The following KAZN variants were observed in gnomAD, a reference collection of about 807,000 sequenced individuals.
KAZN encodes kazrin, periplakin interacting protein, also known as kazrin.
KAZN carries 40 observed loss-of-function variants against 87.4 expected under a neutral mutation model. That is an observed-to-expected ratio of 0.46 (90% CI 0.36 to 0.60). The LOEUF (loss-of-function observed/expected upper bound fraction) is 0.60. KAZN is among the 20% of genes least tolerant of loss of function. KAZN has a pLI of 0.00. For missense variants in KAZN, 898 were observed against 1,073.9 expected, an observed-to-expected ratio of 0.84 and a Z score of 2.29; for synonymous variants, 466 against 458.3, an observed-to-expected ratio of 1.02 and a Z score of -0.22.
At chr1:13,912,451 C>A (rs1639687789) in intron 1 of KAZN, among the ~76,000 whole-genome samples, 1 of 152,098 alleles carries the variant, frequency 6.6e-6, no homozygotes, top group Non-Finnish European at 1.5e-5. Flanking sequence ...ACTCCCAGGT[C>A]CAGGGCTGGG....
At chr1:14,089,541 A>G (rs1037134993) in intron 1 of KAZN, among the ~76,000 whole-genome samples, 4 of 152,196 alleles carry the variant, frequency 2.6e-5, no homozygotes, top group African/African-American at 9.6e-5. Context: ...TATTGTCAGA[A>G]CCTTGTAGCA....
intron 1 of KAZN, chr1:14,924,543 T>A: frequency 9.9e-7 from 1 of 1,008,848 alleles, no homozygotes; most frequent in Non-Finnish European, 1.2e-6. Flanking sequence ...GTTCCCCGGG[T>A]CCGAGCGGAT....
intron 2 of KAZN, among the ~76,000 whole-genome samples, chr1:14,362,859 ATATT>A (rs1368397168): frequency 6.6e-6 from 1 of 152,140 alleles, no homozygotes; most frequent in East Asian, 1.9e-4. Flanking sequence ...GCCAATATAT[ATATT>A]TGTCTCTATT....
In KAZN at chr1:14,864,067, C is replaced by T. The variant is rs111832971; in HGVS notation, c.227-96617C>T. On this transcript the variant is annotated intron_variant, in intron 1 of 14. Transcript: ENST00000376030. ...ATGGGTCAAAACAGAAAAATCAGCT[C>T]GACTCAGTGAGAGCCCAATCTTCCC... 7.6e-3 allele frequency among the ~76,000 whole-genome samples: 1,154 copies of T among 152,248 alleles called. 16 individuals are homozygous for T. The highest frequency in any genetic ancestry group is 0.026 in the African/African-American group (1,073 of 41,530).
chr1:14,418,421 G>T (rs1357690547), intron 2 of KAZN, among the ~76,000 whole-genome samples: 1 of 152,076 alleles, frequency 6.6e-6, no homozygotes, highest in Non-Finnish European at 1.5e-5. Context: ...AGGAAACAGT[G>T]GCCACTACTT....
intron 2 of KAZN, among the ~76,000 whole-genome samples, chr1:15,024,240 C>T (rs1010801185): frequency 3.3e-5 from 5 of 152,042 alleles, no homozygotes; most frequent in African/African-American, 1.2e-4. Context: ...GGAGGTCAAG[C>T]GAAGACTTGT....
chr1:14,706,141 G>A lies in KAZN; in HGVS notation c.226+106918G>A, dbSNP rs540371620. Among the ~76,000 whole-genome samples the A allele has an allele frequency of 6.6e-5, 10 of 152,162 alleles. 1 individual carries two copies. In the East Asian group the frequency reaches 1.9e-3, roughly 29 times the overall value. On this transcript the variant is annotated intron_variant, in intron 1 of 14. Coordinates refer to ENST00000376030, the MANE Select transcript of KAZN (RefSeq NM_201628.3). The stretch of plus-strand genomic sequence containing the variant: ...TCCTTAGGAGAATTGAGAATCTAAT[G>A]CCCGATGATCTGTCACTGATTCCCA...
intron 2 of KAZN, among the ~76,000 whole-genome samples, chr1:14,296,167 G>C (rs532555200): frequency 6.6e-6 from 1 of 152,330 alleles, no homozygotes; most frequent in East Asian, 1.9e-4. Context: ...TGAATGTCTA[G>C]CATAAAGAAG....
chr1:14,488,646 T>A (rs1237415229), intron 2 of KAZN, among the ~76,000 whole-genome samples: 3 of 152,224 alleles, frequency 2.0e-5, no homozygotes, highest in Non-Finnish European at 4.4e-5. Context: ...AGGCTGCTTT[T>A]TTCATTCACC....
chr1:14,038,869 A>G (rs532061811), intron 1 of KAZN, among the ~76,000 whole-genome samples: 97 of 152,290 alleles, frequency 6.4e-4, no homozygotes, highest in Admixed American at 2.0e-3. Flanking sequence ...CACCTCTGTA[A>G]AAGTAGGGAT....
chr1:14,927,094 C>A (rs10927578), intron 1 of KAZN, among the ~76,000 whole-genome samples: 33,012 of 152,052 alleles, frequency 0.22, 5,829 homozygotes, highest in African/African-American at 0.47. Flanking sequence ...CCTGCTTCTG[C>A]CTCGATTGCG....
At chr1:14,230,770 GT>G (rs1647744759) in intron 2 of KAZN, among the ~76,000 whole-genome samples, 1 of 152,096 alleles carries the variant, frequency 6.6e-6, no homozygotes, top group African/African-American at 2.4e-5. Context: ...TATTTTTTCA[GT>G]AAGAAGGTTA....
chr1:14,845,559 GTGGATGGATGGATGGATGGATGGA>G (rs112956559), intron 1 of KAZN, among the ~76,000 whole-genome samples: 1 of 145,436 alleles, frequency 6.9e-6, no homozygotes, highest in Admixed American at 6.8e-5. Context: ...AGATGGGTGG[GTGGATGGATGGATGGATGGATGGA>G]TGGATGGATG....
At chr1:14,598,611 C>T (rs1223708072), upstream of KAZN, 9 of 1,067,890 alleles carry the variant, frequency 8.4e-6, no homozygotes, top group Non-Finnish European at 9.1e-6. The surrounding 1 kb of genome is among the most constrained non-coding windows in gnomAD (Gnocchi z 4.2). Flanking sequence ...CCCCAGCCTC[C>T]GACCGAGACC....
chr1:14,878,333 T>C (rs1652990872), intron 1 of KAZN, among the ~76,000 whole-genome samples: 1 of 152,042 alleles, frequency 6.6e-6, no homozygotes, highest in South Asian at 2.1e-4. Context: ...CTGTGCATTG[T>C]AGGATGTTGA....
intron 2 of KAZN, among the ~76,000 whole-genome samples, chr1:14,533,094 C>G (rs1343544807): frequency 6.6e-6 from 1 of 152,184 alleles, no homozygotes; most frequent in African/African-American, 2.4e-5. Context: ...TAATTCCTCT[C>G]CTTTCTCCAA....
In KAZN at chr1:15,099,752, C is replaced by T. The variant is rs6703533; in HGVS notation, c.1548-1791C>T. On this transcript the variant is annotated intron_variant, in intron 10 of 14. Coordinates refer to ENST00000376030, the MANE Select transcript of KAZN (RefSeq NM_201628.3). This position sits in a 1 kb window ranked among gnomAD's most constrained non-coding sequence, Gnocchi z 5.4. ...TCACACTGACATTTTAAAAGGACCC[C>T]CTGGTGGTCCTGGGGGATGCGGAAT... Among the ~76,000 whole-genome samples, 2 of 152,136 alleles carry T rather than the reference C, an allele frequency of 1.3e-5. No individual in the cohort carries two copies. The highest frequency in any genetic ancestry group is 2.4e-5 in the African/African-American group (1 of 41,426).
intron 1 of KAZN, among the ~76,000 whole-genome samples, chr1:13,937,242 C>T (rs1261761015): frequency 6.6e-6 from 1 of 152,052 alleles, no homozygotes; most frequent in Non-Finnish European, 1.5e-5. Flanking sequence ...GAGATGGGGT[C>T]ACCATGTTAG....
intron 1 of KAZN, among the ~76,000 whole-genome samples, chr1:14,740,158 A>G (rs551516702): frequency 6.6e-6 from 1 of 152,238 alleles, no homozygotes; most frequent in South Asian, 2.1e-4. Context: ...CTAGGAGGCA[A>G]ATTGGTCCCT....
Sources: gnomAD v4.1 joint callset for allele counts (sites outside exome capture counted in the v4.1 genomes callset) on GRCh38, gnomAD v4.1.1 for gene constraint, Gnocchi (gnomAD v3.1) non-coding constraint, MANE v1.5 for transcripts, NCBI Gene and HGNC (gene_info 2026-07-23, HGNC 2026-07-21) for gene names.